Variants in NEK11 observed in about 807,000 individuals in gnomAD.
NEK11 encodes the protein NIMA related kinase 11, also known as serine/threonine-protein kinase Nek11.
A neutral mutation model predicts 80.7 loss-of-function variants in NEK11; 72 were observed. The ratio of observed to expected loss-of-function variants is 0.89; its 90% confidence interval spans 0.74 to 1.08. The LOEUF is 1.08. NEK11 is among the 50% of genes least tolerant of loss of function. The pLI is 0.00. For synonymous variants in NEK11, 251 were observed against 260.7 expected (o/e 0.96, Z 0.36); for missense variants, 764 against 763.6 (o/e 1.00, Z -0.01).
chr3:131,312,883 T>A (rs2096795643), intron 17 of NEK11, among the ~76,000 whole-genome samples: 1 of 152,064 alleles, frequency 6.6e-6, no homozygotes, highest in Non-Finnish European at 1.5e-5. Flanking sequence ...GGTAAACTCG[T>A]GTCGGGGGGT....
At chr3:131,086,042 C>T (rs2075938265) in intron 4 of NEK11, among the ~76,000 whole-genome samples, 6 of 152,122 alleles carry the variant, frequency 3.9e-5, no homozygotes, top group Admixed American at 3.9e-4. Flanking sequence ...ATATTCTTGG[C>T]AAGACTACTA....
chr3:131,344,026 CTT>C (rs969530259), intron 17 of NEK11, among the ~76,000 whole-genome samples: 16 of 152,202 alleles, frequency 1.1e-4, no homozygotes, highest in African/African-American at 3.4e-4. Flanking sequence ...CCCAAAAAAG[CTT>C]TTTCTTTCTT....
At chr3:131,265,835 A>G (rs1456253618) in intron 16 of NEK11, among the ~76,000 whole-genome samples, 1 of 152,114 alleles carries the variant, frequency 6.6e-6, no homozygotes, top group Non-Finnish European at 1.5e-5. Flanking sequence ...CTGTGAATCC[A>G]TCTGGTCCTG....
chr3:131,157,940 G>T (rs948510225), intron 10 of NEK11, among the ~76,000 whole-genome samples: 2 of 152,188 alleles, frequency 1.3e-5, no homozygotes, highest in African/African-American at 4.8e-5. Context: ...GTGAAGTCCA[G>T]AGGGTTTGGT....
At chr3:131,334,963 T>A (rs2097156953) in intron 17 of NEK11, among the ~76,000 whole-genome samples, 2 of 152,210 alleles carry the variant, frequency 1.3e-5, no homozygotes, top group Non-Finnish European at 2.9e-5. Context: ...GATCTGAAAT[T>A]GTGGCAATAA....
intron 3 of NEK11, among the ~76,000 whole-genome samples, chr3:131,030,505 T>G (rs2064675084): frequency 6.6e-6 from 1 of 152,222 alleles, no homozygotes; most frequent in African/African-American, 2.4e-5. Context: ...AAATAAGAAT[T>G]GTTCATAATG....
At chr3:131,178,167 C>T in intron 14 of NEK11, among the ~76,000 whole-genome samples, 1 of 152,114 alleles carries the variant, frequency 6.6e-6, no homozygotes, top group Non-Finnish European at 1.5e-5. Flanking sequence ...TGGAAGTTGC[C>T]ATGGGTGAGT....
At chr3:131,299,179 G>C (rs1021480852) in intron 17 of NEK11, among the ~76,000 whole-genome samples, 12 of 152,244 alleles carry the variant, frequency 7.9e-5, no homozygotes, top group African/African-American at 2.9e-4. Context: ...TCATCACCCA[G>C]GTGATAAGCA....
At chr3:131,120,604 T>C (rs1418666703) in intron 5 of NEK11, among the ~76,000 whole-genome samples, 3 of 152,228 alleles carry the variant, frequency 2.0e-5, no homozygotes, top group Non-Finnish European at 4.4e-5. Context: ...CCCTGTCGCT[T>C]TCAGGTACAC....
intron 3 of NEK11, among the ~76,000 whole-genome samples, chr3:131,034,667 G>A (rs1012146404): frequency 2.6e-5 from 4 of 152,196 alleles, no homozygotes; most frequent in East Asian, 1.9e-4. Flanking sequence ...GATTACAGGC[G>A]TGAGCCACCG....
chr3:131,337,798 C>G (rs892655391), intron 17 of NEK11, among the ~76,000 whole-genome samples: 2 of 152,052 alleles, frequency 1.3e-5, no homozygotes, highest in South Asian at 4.1e-4. Flanking sequence ...TCTGAACCCC[C>G]CCTCCATGTA....
At chr3:131,152,748 G>A in intron 9 of NEK11, 39 bp downstream of exon 9, 2 of 1,350,878 alleles carry the variant, frequency 1.5e-6, no homozygotes, top group South Asian at 2.4e-5. Context: ...ACAGGTATGA[G>A]CATTTGTATA....
intron 5 of NEK11, among the ~76,000 whole-genome samples, chr3:131,118,376 C>T (rs2081689761): frequency 6.6e-6 from 1 of 152,094 alleles, no homozygotes; most frequent in African/African-American, 2.4e-5. Flanking sequence ...TTCAGTTTGC[C>T]AGTATTTTAT....
chr3:131,332,230 C>T (rs2110080978), intron 17 of NEK11, among the ~76,000 whole-genome samples: 1 of 152,368 alleles, frequency 6.6e-6, no homozygotes, highest in South Asian at 2.1e-4. Flanking sequence ...TAGGGGCACA[C>T]TGACACCTCA....
chr3:131,207,769 GA>G (rs1341782879), intron 14 of NEK11, among the ~76,000 whole-genome samples: 3 of 152,230 alleles, frequency 2.0e-5, no homozygotes, highest in Admixed American at 2.0e-4. Flanking sequence ...GTCTTCTTTT[GA>G]GAAGTGTCTG....
At chr3:131,194,028 C>T (rs1425074787) in intron 14 of NEK11, among the ~76,000 whole-genome samples, 1 of 152,134 alleles carries the variant, frequency 6.6e-6, no homozygotes, top group African/African-American at 2.4e-5. Flanking sequence ...AGTTGATTTG[C>T]AGGTTTATCG....
Position 131,240,821 on chromosome 3 carries a change from A to G in NEK11, c.1561-2615A>G, listed in dbSNP as rs189393695. 5.9e-5 allele frequency among the ~76,000 whole-genome samples: 9 copies of G among 152,278 alleles called. No individual in the cohort carries two copies. The South Asian group carries it at 1.7e-3, about 28-fold the overall frequency. ...ATGACTAGCTCTAAGTGAGGAGATC[A>G]TCTGGATTATTTTGTCAAACAACTG... is the stretch of plus-strand genomic sequence containing the variant. On this transcript the variant is annotated intron_variant, in intron 15 of 17. Coordinates refer to ENST00000383366, the MANE Select transcript of NEK11 (RefSeq NM_024800.5).
intron 14 of NEK11, among the ~76,000 whole-genome samples, chr3:131,190,624 A>T (rs1024064606): frequency 2.0e-5 from 3 of 152,170 alleles, no homozygotes; most frequent in African/African-American, 7.2e-5. Flanking sequence ...CAGCCTGCAG[A>T]ACCCTCAGCC....
chr3:131,170,576 T>G (rs969209677), intron 13 of NEK11, among the ~76,000 whole-genome samples, 197 bp from the exon 14 acceptor site: 1 of 152,206 alleles, frequency 6.6e-6, no homozygotes, highest in African/African-American at 2.4e-5. Context: ...AAATGCTTTG[T>G]GCAAGGTCAC....
Sources: allele counts gnomAD v4.1 joint callset (sites outside exome capture counted in the v4.1 genomes callset), GRCh38; gene constraint gnomAD v4.1.1; transcripts MANE v1.5; gene names NCBI Gene and HGNC (gene_info 2026-07-23, HGNC 2026-07-21).